NDC1: variants seen among roughly 807,000 people sequenced by gnomAD.
NDC1 encodes the protein NDC1 transmembrane nucleoporin.
A neutral mutation model predicts 89.8 loss-of-function variants in NDC1; 24 were observed. The observed-to-expected ratio is 0.27, with a 90% CI of 0.19 to 0.38. The LOEUF is 0.38. Ranked by LOEUF, NDC1 falls within the 10% of genes least tolerant of loss-of-function variation. NDC1 has a pLI of 1.00. For missense variants in NDC1, 728 were observed against 797.6 expected (o/e 0.91, Z 1.05); for synonymous variants, 296 against 284.8 (o/e 1.04, Z -0.39).
intron 16 of NDC1, among the ~76,000 whole-genome samples, chr1:53,778,798 C>T (rs1174890505): frequency 6.6e-5 from 10 of 151,128 alleles, no homozygotes; most frequent in Admixed American, 6.6e-4. Flanking sequence ...GACAGCAATA[C>T]TTTTTTTTTA....
intron 2 of NDC1, among the ~76,000 whole-genome samples, chr1:53,834,235 T>A (rs1294467486): frequency 6.6e-6 from 1 of 152,254 alleles, no homozygotes; most frequent in African/African-American, 2.4e-5. Flanking sequence ...AAAGTTTTTG[T>A]CCCCAGTGCC....
At chr1:53,811,767 G>A (rs1053304976) in intron 6 of NDC1, among the ~76,000 whole-genome samples, 4 of 151,568 alleles carry the variant, frequency 2.6e-5, no homozygotes, top group Non-Finnish European at 5.9e-5. Context: ...GAGGTTTTCC[G>A]GAAAGCGCCA....
At chr1:53,814,870 T>A (rs1648427440) in intron 6 of NDC1, among the ~76,000 whole-genome samples, 1 of 152,110 alleles carries the variant, frequency 6.6e-6, no homozygotes, top group Non-Finnish European at 1.5e-5. Flanking sequence ...GACAGATAAA[T>A]TCCTGGAAAA....
intron 14 of NDC1, among the ~76,000 whole-genome samples, chr1:53,791,430 C>T (rs1005577288): frequency 1.4e-5 from 2 of 146,640 alleles, no homozygotes; most frequent in Admixed American, 6.8e-5. Context: ...AGCGAGACTC[C>T]GTCTGAAAAA....
At chr1:53,806,647 G>T in intron 8 of NDC1, 130 bp from the exon 9 acceptor site, 3 of 457,474 alleles carry the variant, frequency 6.6e-6, no homozygotes, top group Non-Finnish European at 7.2e-6. Context: ...GCAAAGACAG[G>T]TTAAAGTTAC....
At chr1:53,825,725 T>C (rs1648831755) in intron 5 of NDC1, 73 bp downstream of exon 5, 1 of 1,233,556 alleles carries the variant, frequency 8.1e-7, no homozygotes, top group African/African-American at 1.5e-5. Context: ...ATAAATCCAG[T>C]TATATACATA....
At chr1:53,818,895 C>A in intron 6 of NDC1, 76 bp downstream of exon 6, 2 of 684,986 alleles carry the variant, frequency 2.9e-6, no homozygotes, top group Non-Finnish European at 5.0e-6. Context: ...CACAAAAACA[C>A]AAGAATGACT....
At chr1:53,801,703 A>G (rs1301502322) in intron 10 of NDC1, among the ~76,000 whole-genome samples, 3 of 152,130 alleles carry the variant, frequency 2.0e-5, no homozygotes, top group African/African-American at 7.2e-5. Context: ...AGGCCTCAGG[A>G]TGTTTTGTAC....
intron 2 of NDC1, among the ~76,000 whole-genome samples, chr1:53,832,980 C>G (rs981860996): frequency 2.6e-5 from 4 of 152,026 alleles, no homozygotes; most frequent in Non-Finnish European, 5.9e-5. Flanking sequence ...CCACTGCACT[C>G]CAGCCTAGGC....
intron 13 of NDC1, 68 bp from the exon 14 acceptor site, chr1:53,793,347 C>G: frequency 8.0e-7 from 1 of 1,249,162 alleles, no homozygotes; most frequent in Non-Finnish European, 1.2e-6. Flanking sequence ...AACACATTTC[C>G]TAGTTCTTCC....
chr1:53,796,313 T>G (rs1647695619), intron 13 of NDC1, among the ~76,000 whole-genome samples: 1 of 152,230 alleles, frequency 6.6e-6, no homozygotes, highest in Non-Finnish European at 1.5e-5. Context: ...ATAAGTCTTA[T>G]AATTAATGAT....
chr1:53,797,028 A>C lies in NDC1; in HGVS notation c.1339T>G (p.Phe447Val). Residue 447 changes from phenylalanine (F) to valine (V), a missense_variant, in exon 12 of 18, where the codon TTT (phenylalanine) becomes GTT (valine). Phe to Val is a conservative substitution (Grantham distance 50). Transcript: ENST00000371429. The stretch of plus-strand genomic sequence containing the variant: ...ACACTAGAGCCAAATGGGGTCCCAA[A>C]TGGGCTCACAACATCAGGTGTAGAT... The part of the protein sequence containing the change: ...KLSTPDVVSP[F>V]GTPFGSSVMN... 2 of 1,614,212 alleles carry C rather than the reference A, an allele frequency of 1.2e-6. No homozygotes were observed.
chr1:53,828,101 G>A lies in NDC1; in HGVS notation c.353C>T (p.Ser118Leu), dbSNP rs762145922. ...CATTCCCATTGCAGCATGAATAAAT[G>A]AGTGCATGAGTTGCTGAGGATGAAT... ...KIIHPQQLMH[S>L]FIHAAMGMVM... Residue 118 changes from serine (S) to leucine (L), a missense_variant, in exon 4 of 18, where the codon TCA (serine) becomes TTA (leucine). Physicochemically the swap from Ser to Leu is moderately radical, Grantham distance 145. Transcript: ENST00000371429. 3 of 1,614,148 alleles carry A rather than the reference G, an allele frequency of 1.9e-6. No homozygotes were observed. In the East Asian group the frequency reaches 6.7e-5, roughly 36 times the overall value.
chr1:53,769,781 G>A (rs1042083022), intron 17 of NDC1, among the ~76,000 whole-genome samples: 1 of 152,170 alleles, frequency 6.6e-6, no homozygotes, highest in African/African-American at 2.4e-5. Flanking sequence ...AACCAAGTGG[G>A]TGTGAGAATG....
At chr1:53,829,843 T>C (rs2100693142) in intron 3 of NDC1, among the ~76,000 whole-genome samples, 1 of 152,314 alleles carries the variant, frequency 6.6e-6, no homozygotes, top group South Asian at 2.1e-4. Flanking sequence ...AAAAGCTTAC[T>C]AGTCAATAGT....
rs574919373 is a variant in NDC1, at chr1:53,820,361, T to A, written c.595-1282A>T. Among the ~76,000 whole-genome samples the A allele has an allele frequency of 2.0e-5, 3 of 151,900 alleles. No homozygotes were observed. In the South Asian group the frequency reaches 6.2e-4, roughly 32 times the overall value. ...GGCCACAGGTTGGACAAGCTTGATCTAAGAAAAAGGAATCAAATAAGAAAA... is the reference window on the plus strand; with the variant it reads ...GGCCACAGGTTGGACAAGCTTGATCAAAGAAAAAGGAATCAAATAAGAAAA... On this transcript the variant is annotated intron_variant, in intron 5 of 17. Coordinates refer to ENST00000371429, the MANE Select transcript of NDC1 (RefSeq NM_018087.5).
chr1:53,792,164 G>C (rs573688696), intron 14 of NDC1, among the ~76,000 whole-genome samples: 25 of 152,056 alleles, frequency 1.6e-4, no homozygotes, highest in East Asian at 1.9e-4. Context: ...GGATGGTCTT[G>C]ATCTCCTGAC....
chr1:53,773,867 C>T (rs1647140001), intron 16 of NDC1, among the ~76,000 whole-genome samples: 1 of 152,170 alleles, frequency 6.6e-6, no homozygotes, highest in Non-Finnish European at 1.5e-5. Context: ...AAACCTCAGA[C>T]TACAGTGGAA....
chr1:53,793,233 C>T lies in NDC1; in HGVS notation c.1631G>A (p.Ser544Asn). Residue 544 changes from serine (S) to asparagine (N), a missense_variant, in exon 14 of 18, where the codon AGT becomes AAT. Transcript: ENST00000371429. ...GCTATAACCACATATTCTTACCTTA[C>T]TGAAAAAATACATTATCAGCACCCG... ...SKRVLIMYFF[S>N]KHPEASIQAV... is the part of the protein sequence containing the mutation. The T allele has an allele frequency of 6.2e-7, 1 of 1,610,110 alleles. No individual in the cohort carries two copies. The highest frequency in any genetic ancestry group is 1.1e-5 in the South Asian group (1 of 90,962).
Sources: allele counts gnomAD v4.1 joint callset (sites outside exome capture counted in the v4.1 genomes callset), GRCh38; gene constraint gnomAD v4.1.1; transcripts MANE v1.5; gene names NCBI Gene and HGNC (gene_info 2026-07-23, HGNC 2026-07-21).